The following COMMD10 variants were observed in gnomAD, a reference collection of about 807,000 sequenced individuals.
COMMD10 encodes COMM domain containing 10.
A neutral mutation model predicts 28.9 loss-of-function variants in COMMD10; 33 were observed. That is an observed-to-expected ratio of 1.14 (90% CI 0.87 to 1.53). COMMD10 has a LOEUF of 1.53. Ranked by LOEUF, COMMD10 falls within the 40% of genes most tolerant of loss-of-function variation. COMMD10 has a pLI of 0.00. For synonymous variants in COMMD10, 110 were observed against 81.7 expected (o/e 1.35, Z -1.87); for missense variants, 310 against 233.4 (o/e 1.33, Z -2.14).
At chr5:116,130,451 C>T (rs7726721) in intron 4 of COMMD10, among the ~76,000 whole-genome samples, 136,147 of 151,974 alleles carry the variant, frequency 0.9, 61,132 homozygotes, top group African/African-American at 0.94. Context: ...CCTGCTTCTC[C>T]GTCTTCTGGA....
In COMMD10 at chr5:116,177,556, CT is replaced by C. The variant is rs147816105; in HGVS notation, c.510+43381del. ...CCCACCCCACTGCAGAATAATGTGA[CT>C]TTGTAGGATCAGATCTCTGCCTACT... On this transcript the variant is annotated intron_variant, in intron 5 of 6. Transcript: ENST00000274458. Among the ~76,000 whole-genome samples the C allele has an allele frequency of 4.8e-3, 719 of 149,260 alleles. 4 individuals carry two copies. The highest frequency in any genetic ancestry group is 0.015 in the African/African-American group (609 of 40,388).
intron 5 of COMMD10, among the ~76,000 whole-genome samples, chr5:116,246,259 T>A (rs1202710223): frequency 1.3e-5 from 2 of 152,000 alleles, no homozygotes; most frequent in Non-Finnish European, 2.9e-5. Flanking sequence ...ATAAAATACC[T>A]AAGAATACAG....
intron 4 of COMMD10, among the ~76,000 whole-genome samples, chr5:116,120,009 G>A (rs1751372165): frequency 6.6e-6 from 1 of 151,956 alleles, no homozygotes; most frequent in African/African-American, 2.4e-5. Flanking sequence ...AATTTTGATA[G>A]CTGTATTTCC....
rs1318926073 is a variant in COMMD10 at position 116,231,223 on chromosome 5, C to A, written c.511-60294C>A. 6.6e-5 allele frequency among the ~76,000 whole-genome samples: 10 copies of A among 152,254 alleles called. No individual in the cohort carries two copies. In the East Asian group the frequency reaches 1.7e-3, roughly 26 times the overall value. On this transcript the variant is annotated intron_variant, in intron 5 of 6. Transcript: ENST00000274458. Reference sequence around the variant, plus strand: ...CAATGTTTTTGACTTGAGATAGAATCATTAATCCAGGGATATCTTGTTAAT... The same window carrying A: ...CAATGTTTTTGACTTGAGATAGAATAATTAATCCAGGGATATCTTGTTAAT...
At chr5:116,114,785 C>G (rs535952327) in intron 4 of COMMD10, among the ~76,000 whole-genome samples, 24 of 152,178 alleles carry the variant, frequency 1.6e-4, no homozygotes, top group Non-Finnish European at 1.8e-4. Context: ...GTGGGGCTTC[C>G]TCCCTTATCC....
intron 5 of COMMD10, among the ~76,000 whole-genome samples, chr5:116,207,391 G>C (rs73257302): frequency 0.25 from 37,757 of 152,058 alleles, 8,421 homozygotes; most frequent in African/African-American, 0.6. Flanking sequence ...TGAGAGATCT[G>C]TTACTTTCTG....
chr5:116,212,993 C>T (rs1749007274), intron 5 of COMMD10, among the ~76,000 whole-genome samples: 1 of 152,008 alleles, frequency 6.6e-6, no homozygotes, highest in Non-Finnish European at 1.5e-5. Context: ...CTGTAAATTA[C>T]ACAATGATAG....
chr5:116,222,440 T>C (rs1297698667), intron 5 of COMMD10, among the ~76,000 whole-genome samples: 3 of 152,218 alleles, frequency 2.0e-5, no homozygotes, highest in Admixed American at 2.0e-4. Context: ...CAAAGTCTTA[T>C]ATTCAAATTA....
At chr5:116,173,497 C>G (rs144729728) in intron 5 of COMMD10, among the ~76,000 whole-genome samples, 13 of 152,254 alleles carry the variant, frequency 8.5e-5, no homozygotes, top group Admixed American at 8.5e-4. Context: ...AATATACTTA[C>G]AAAGAGCTAG....
chr5:116,134,948 T>C (rs192827363), intron 5 of COMMD10, among the ~76,000 whole-genome samples: 1 of 152,278 alleles, frequency 6.6e-6, no homozygotes, highest in East Asian at 1.9e-4. Context: ...CACAGGATTT[T>C]ACTTTATTAT....
intron 5 of COMMD10, among the ~76,000 whole-genome samples, chr5:116,243,666 A>T (rs898698636): frequency 6.6e-6 from 1 of 152,158 alleles, no homozygotes; most frequent in African/African-American, 2.4e-5. Context: ...ATATCCCTGG[A>T]TTAATGATTC....
chr5:116,110,553 AT>A (rs1751010383), intron 4 of COMMD10, among the ~76,000 whole-genome samples: 1 of 152,140 alleles, frequency 6.6e-6, no homozygotes, highest in Admixed American at 6.5e-5. Flanking sequence ...TTATTGGTCT[AT>A]TCAGGCTTTC....
intron 5 of COMMD10, among the ~76,000 whole-genome samples, chr5:116,238,129 T>C (rs1014675215): frequency 2.6e-5 from 4 of 152,192 alleles, no homozygotes; most frequent in African/African-American, 4.8e-5. Context: ...TTGAACTGTT[T>C]AGACCAATAT....
chr5:116,188,856 G>C (rs1223939325), intron 5 of COMMD10, among the ~76,000 whole-genome samples: 1 of 152,230 alleles, frequency 6.6e-6, no homozygotes, highest in East Asian at 1.9e-4. Flanking sequence ...TCGTGAACTT[G>C]TGAGTTCAAG....
At position 116,121,634 on chromosome 5, in the gene COMMD10, T is replaced by C. The variant is rs191036620; in HGVS notation, c.400-12434T>C. Among the ~76,000 whole-genome samples the C allele has an allele frequency of 1.5e-3, 233 of 152,292 alleles. 1 individual carries two copies. Among genetic ancestry groups the C allele is most frequent in the African/African-American group, 5.5e-3 (228 of 41,558 alleles). On this transcript the variant is annotated intron_variant, in intron 4 of 6. Transcript: ENST00000274458. ...GCATTCCTATTTCTCCACATCCTCTTCAGCATCTGTTGTTTCCTGACTTTT... is the reference window on the plus strand; with the variant it reads ...GCATTCCTATTTCTCCACATCCTCTCCAGCATCTGTTGTTTCCTGACTTTT...
chr5:116,185,206 A>G (rs937342890), intron 5 of COMMD10, among the ~76,000 whole-genome samples: 9 of 150,306 alleles, frequency 6.0e-5, no homozygotes, highest in African/African-American at 2.0e-4. Flanking sequence ...ACTACAATGT[A>G]TGTCTTAAGA....
chr5:116,116,484 C>T (rs1284988940), intron 4 of COMMD10, among the ~76,000 whole-genome samples: 1 of 152,158 alleles, frequency 6.6e-6, no homozygotes, highest in Non-Finnish European at 1.5e-5. Flanking sequence ...TGCTTCTGAA[C>T]ATTATTGTCT....
intron 2 of COMMD10, 72 bp from the exon 3 acceptor site, chr5:116,091,007 A>T: frequency 1.2e-6 from 1 of 845,146 alleles, no homozygotes; most frequent in South Asian, 1.9e-5. Flanking sequence ...CGAATAAATG[A>T]ATCTTCTGTC....
At chr5:116,132,085 G>A (rs1751880246) in intron 4 of COMMD10, among the ~76,000 whole-genome samples, 1 of 151,928 alleles carries the variant, frequency 6.6e-6, no homozygotes, top group Non-Finnish European at 1.5e-5. Context: ...ATAGGAGGCA[G>A]GTAGCCCAGT....
Sources: allele counts gnomAD v4.1 joint callset (sites outside exome capture counted in the v4.1 genomes callset), GRCh38; gene constraint gnomAD v4.1.1; transcripts MANE v1.5; gene names NCBI Gene and HGNC (gene_info 2026-07-23, HGNC 2026-07-21).